Variants in WWC2 observed in about 807,000 individuals in gnomAD.
WWC2 encodes the protein WW and C2 domain containing 2, also known as protein WWC2.
Under a neutral mutation model 138.5 loss-of-function variants are expected in WWC2, and 101 were observed. The observed-to-expected ratio is 0.73, with a 90% CI of 0.62 to 0.86. The LOEUF is 0.86. WWC2 is among the 40% of genes least tolerant of loss of function. The pLI is 0.00. For synonymous variants in WWC2, 558 were observed against 538.4 expected, an observed-to-expected ratio of 1.04 and a Z score of -0.50; for missense variants, 1,420 against 1,419.4, an observed-to-expected ratio of 1.00 and a Z score of -0.01.
At chr4:183,190,374 T>A (rs753212452) in intron 1 of WWC2, among the ~76,000 whole-genome samples, 1 of 152,336 alleles carries the variant, frequency 6.6e-6, no homozygotes, top group East Asian at 1.9e-4. Flanking sequence ...ATACATCTGT[T>A]AGTTCTTTTT....
chr4:183,258,235 T>C (rs1006819204), intron 9 of WWC2, among the ~76,000 whole-genome samples: 8 of 152,246 alleles, frequency 5.3e-5, no homozygotes, highest in Admixed American at 2.6e-4. Context: ...GTTAGTCTAC[T>C]TCATATTACT....
chr4:183,147,568 C>T (rs1733496731), intron 1 of WWC2, among the ~76,000 whole-genome samples: 3 of 152,178 alleles, frequency 2.0e-5, no homozygotes, highest in Non-Finnish European at 4.4e-5. Flanking sequence ...TTTCAGAGAT[C>T]TGTCACTGGT....
At chr4:183,302,556 C>T (rs1024159936) in intron 21 of WWC2, among the ~76,000 whole-genome samples, 3 of 129,652 alleles carry the variant, frequency 2.3e-5, no homozygotes, top group Admixed American at 7.2e-5. Flanking sequence ...TAAGAGGCAG[C>T]TTCTCAAAGC....
Position 183,284,805 on chromosome 4 carries a change from T to C in WWC2, c.3048+415T>C, listed in dbSNP as rs184308811. 4.5e-3 allele frequency among the ~76,000 whole-genome samples: 687 copies of C among 152,334 alleles called. 4 individuals are homozygous for C. The highest frequency in any genetic ancestry group is 0.016 in the African/African-American group (658 of 41,578). On this transcript the variant is annotated intron_variant, in intron 19 of 22. Transcript: ENST00000403733. ...GAGAACTGTGAATTGCATTTTAGAT[T>C]AAAAATCCTCTTTTAATAATGCTTA... is the stretch of plus-strand genomic sequence containing the variant.
intron 1 of WWC2, among the ~76,000 whole-genome samples, chr4:183,119,914 C>T (rs1477450865): frequency 6.6e-6 from 1 of 152,132 alleles, no homozygotes; most frequent in Non-Finnish European, 1.5e-5. Flanking sequence ...CTCTGATATA[C>T]ATCCATAGTG....
intron 22 of WWC2, 107 bp downstream of exon 22, chr4:183,312,575 G>A (rs2111123954): frequency 1.3e-5 from 19 of 1,505,302 alleles, no homozygotes; most frequent in Non-Finnish European, 1.6e-5. Flanking sequence ...CGAGACAGAA[G>A]TCCTCTGTTC....
At chr4:183,183,615 C>T (rs1189623285) in intron 1 of WWC2, among the ~76,000 whole-genome samples, 10 of 151,912 alleles carry the variant, frequency 6.6e-5, no homozygotes, top group African/African-American at 7.3e-5. Context: ...ATGTCTACAA[C>T]GGAAAAAAGA....
chr4:183,243,730 C>T (rs1736682834), intron 5 of WWC2, among the ~76,000 whole-genome samples: 1 of 143,142 alleles, frequency 7.0e-6, no homozygotes, highest in African/African-American at 2.6e-5. Flanking sequence ...CCTCCCCATT[C>T]TAAACACTGT....
At chr4:183,175,905 CTT>C (rs1734454542) in intron 1 of WWC2, among the ~76,000 whole-genome samples, 1 of 152,234 alleles carries the variant, frequency 6.6e-6, no homozygotes, top group African/African-American at 2.4e-5. Flanking sequence ...CAGTATTTGT[CTT>C]CACTGTGATG....
intron 2 of WWC2, among the ~76,000 whole-genome samples, chr4:183,199,081 G>A (rs187095486): frequency 6.6e-6 from 1 of 152,290 alleles, no homozygotes; most frequent in Admixed American, 6.5e-5. Context: ...AAACCAAAGA[G>A]ATGACTGAGT....
intron 21 of WWC2, among the ~76,000 whole-genome samples, chr4:183,300,234 C>T (rs1283733383): frequency 1.3e-5 from 2 of 152,056 alleles, no homozygotes; most frequent in Non-Finnish European, 1.5e-5. Context: ...TCCCAGGCCT[C>T]GTAAGCCCGG....
intron 15 of WWC2, chr4:183,269,457 G>GGTAAGCACACTCCA: frequency 1.8e-6 from 1 of 547,732 alleles, no homozygotes; most frequent in Non-Finnish European, 3.6e-6. Context: ...CTCATGGAGT[G>GGTAAGCACACTCCA]TGCTTACCAC....
intron 21 of WWC2, among the ~76,000 whole-genome samples, chr4:183,309,893 G>C (rs1035342168): frequency 6.6e-6 from 1 of 152,212 alleles, no homozygotes; most frequent in African/African-American, 2.4e-5. Flanking sequence ...AAAGAGAAAT[G>C]AGCTATCTGT....
At chr4:183,101,064 G>C (rs1021003156) in intron 1 of WWC2, among the ~76,000 whole-genome samples, 1 of 152,130 alleles carries the variant, frequency 6.6e-6, no homozygotes, top group Non-Finnish European at 1.5e-5. Context: ...ACCCAACTGC[G>C]GCTTTTAAGG....
At chr4:183,153,100 T>A (rs967161600) in intron 1 of WWC2, among the ~76,000 whole-genome samples, 11 of 152,096 alleles carry the variant, frequency 7.2e-5, no homozygotes, top group Non-Finnish European at 1.2e-4. Flanking sequence ...AGACAGAGTT[T>A]CTTTATGTTG....
chr4:183,239,920 A>G (rs74609532), intron 4 of WWC2, among the ~76,000 whole-genome samples: 1,641 of 152,298 alleles, frequency 0.011, 35 homozygotes, highest in African/African-American at 0.038. Context: ...GTTGGAGACA[A>G]TGATGATGTC....
In WWC2 at chr4:183,319,095, T is replaced by G. The variant is rs1257303731; in HGVS notation, c.*3366T>G. The stretch of plus-strand genomic sequence containing the variant: ...AGATGATGTGTCTACACCTTTCACC[T>G]CTGAAGCTTCTAAAGAGCTAGTAAT... On this transcript the variant is annotated 3_prime_UTR_variant, in exon 23 of 23. Coordinates refer to ENST00000403733, the MANE Select transcript of WWC2 (RefSeq NM_024949.6). 1 of 158,584 alleles carries G rather than the reference T, an allele frequency of 6.3e-6. No individual in the cohort carries two copies. Among genetic ancestry groups the G allele is most frequent in the Non-Finnish European group, 1.4e-5 (1 of 71,588 alleles). The allele number at this position is 158,584 out of a possible 1,614,324, so 9.8% of individuals were successfully genotyped here.
intron 21 of WWC2, among the ~76,000 whole-genome samples, chr4:183,298,203 T>C (rs758357534): frequency 6.6e-6 from 1 of 152,220 alleles, no homozygotes; most frequent in Non-Finnish European, 1.5e-5. Flanking sequence ...AACCTGACAG[T>C]CTTAATAATT....
At chr4:183,296,892 CCA>C (rs1483650933) in intron 21 of WWC2, among the ~76,000 whole-genome samples, 1 of 129,850 alleles carries the variant, frequency 7.7e-6, no homozygotes, top group Non-Finnish European at 1.5e-5. Context: ...CGAGATCGCA[CCA>C]CTGCACTCCA....
Sources: allele counts gnomAD v4.1 joint callset (sites outside exome capture counted in the v4.1 genomes callset), GRCh38; gene constraint gnomAD v4.1.1; transcripts MANE v1.5; gene names NCBI Gene and HGNC (gene_info 2026-07-23, HGNC 2026-07-21).